PTPRT: variants seen among roughly 807,000 people sequenced by gnomAD.
PTPRT encodes the protein receptor-type tyrosine-protein phosphatase T.
A neutral mutation model predicts 176.8 loss-of-function variants in PTPRT; 56 were observed. The ratio of observed to expected loss-of-function variants is 0.32; its 90% CI spans 0.26 to 0.40. The LOEUF is 0.40. Among genes scored for constraint, PTPRT ranks in the 10% least tolerant of loss-of-function variants. The probability of loss-of-function intolerance (pLI) is 1.00; values close to 1 mark genes in which losing one functional copy is unlikely to be tolerated. For synonymous variants in PTPRT, 783 were observed against 739.0 expected (o/e 1.06, Z -0.96); for missense variants, 1,540 against 1,908.2 (o/e 0.81, Z 3.60).
At chr20:42,506,092 C>T (rs2071839422) in intron 7 of PTPRT, among the ~76,000 whole-genome samples, 1 of 152,246 alleles carries the variant, frequency 6.6e-6, no homozygotes, top group Middle Eastern at 3.4e-3. Context: ...GGGAAGAACA[C>T]ATTTGACTGT....
chr20:42,810,262 C>G (rs1019281202), intron 2 of PTPRT, among the ~76,000 whole-genome samples: 15 of 152,078 alleles, frequency 9.9e-5, no homozygotes, highest in Non-Finnish European at 1.5e-5. Context: ...CCACTGCACT[C>G]CACACTCCAG....
chr20:42,228,454 G>T (rs1035601212), intron 15 of PTPRT, among the ~76,000 whole-genome samples: 15 of 152,248 alleles, frequency 9.9e-5, no homozygotes, highest in Non-Finnish European at 1.8e-4. Context: ...CAGTACACAT[G>T]GTCTAGCCCA....
intron 6 of PTPRT, among the ~76,000 whole-genome samples, chr20:42,721,783 G>C (rs1179342394): frequency 6.6e-6 from 1 of 152,184 alleles, no homozygotes; most frequent in Non-Finnish European, 1.5e-5. Context: ...CGCACACACA[G>C]GTGCATCCCT....
At chr20:42,944,326 C>T (rs567069603) in intron 1 of PTPRT, among the ~76,000 whole-genome samples, 1 of 152,322 alleles carries the variant, frequency 6.6e-6, no homozygotes, top group African/African-American at 2.4e-5. Flanking sequence ...CAAGAACCTG[C>T]AAACTGCTCT....
intron 8 of PTPRT, among the ~76,000 whole-genome samples, chr20:42,456,447 T>C (rs1601059913): frequency 6.6e-6 from 1 of 152,220 alleles, no homozygotes; most frequent in East Asian, 1.9e-4. Context: ...ATTTCAAAGA[T>C]AATGATGATA....
intron 1 of PTPRT, among the ~76,000 whole-genome samples, chr20:43,083,337 T>C (rs7344978): frequency 1.9e-4 from 20 of 105,754 alleles, no homozygotes; most frequent in African/African-American, 7.3e-4. Flanking sequence ...TATATATATA[T>C]ATATATATAT....
rs141151801 is a variant in PTPRT, at chr20:43,156,575, A to T, written c.88+33071T>A. Among the ~76,000 whole-genome samples, 503 of 152,240 alleles carry T rather than the reference A, an allele frequency of 3.3e-3. 5 individuals are homozygous for T. Among genetic ancestry groups the T allele is most frequent in the African/African-American group, 0.011 (468 of 41,558 alleles). On this transcript the variant is annotated intron_variant, in intron 1 of 30. Coordinates refer to ENST00000373187, the MANE Select transcript of PTPRT (RefSeq NM_007050.6). ...GGCTGTGTTGGCCCATGGTTCCAAA[A>T]CCTGTCCTGAGACCCCACCCCACCA...
chr20:42,491,930 T>G (rs562547847), intron 7 of PTPRT, among the ~76,000 whole-genome samples: 1 of 152,280 alleles, frequency 6.6e-6, no homozygotes, highest in South Asian at 2.1e-4. Context: ...ATAAAAGAAA[T>G]AATATACTAT....
chr20:42,063,398 C>A, the PTPRT span: 1 of 152,142 alleles, frequency 6.6e-6, no homozygotes, highest in South Asian at 2.1e-4. Flanking sequence ...TCCCTTGAGG[C>A]CCTGCTGGGG....
At chr20:43,142,247 C>T (rs971905577) in intron 1 of PTPRT, among the ~76,000 whole-genome samples, 4 of 152,232 alleles carry the variant, frequency 2.6e-5, no homozygotes, top group Non-Finnish European at 5.9e-5. Context: ...ATAAAAATGA[C>T]AGATGTGAGC....
intron 27 of PTPRT, among the ~76,000 whole-genome samples, chr20:42,096,940 C>T (rs112041634): frequency 6.8e-4 from 103 of 152,164 alleles, no homozygotes; most frequent in African/African-American, 2.4e-3. Context: ...TCCAGTGTTT[C>T]ACCTTCCTGC....
chr20:42,533,757 G>T (rs190950885), intron 7 of PTPRT, among the ~76,000 whole-genome samples: 2 of 152,162 alleles, frequency 1.3e-5, no homozygotes, highest in East Asian at 1.9e-4. Context: ...TTCTATAAAC[G>T]CATTTGCTGT....
At chr20:42,486,596 T>C (rs1038917051) in intron 7 of PTPRT, among the ~76,000 whole-genome samples, 4 of 152,196 alleles carry the variant, frequency 2.6e-5, no homozygotes, top group African/African-American at 9.6e-5. Flanking sequence ...GTTGTCACCA[T>C]AGTGCTGTAT....
At position 42,234,239 on chromosome 20, in the gene PTPRT, C is replaced by A. The variant is rs566656329; in HGVS notation, c.2342+1990G>T. Among the ~76,000 whole-genome samples the A allele has an allele frequency of 3.9e-5, 6 of 152,304 alleles. No homozygotes were observed. In the South Asian group the frequency reaches 1.2e-3, roughly 32 times the overall value. On this transcript the variant is annotated intron_variant, in intron 15 of 30. Coordinates refer to ENST00000373187, the MANE Select transcript of PTPRT (RefSeq NM_007050.6). ...TGTCAACTTTGTGCCAGGCACTTTA[C>A]AAAATCATCTCATCTCCTCTTCACA... is the stretch of plus-strand genomic sequence containing the variant.
rs146501728 is a variant in PTPRT, at chr20:43,094,213, G to A, written c.88+95433C>T. On this transcript the variant is annotated intron_variant, in intron 1 of 30. Transcript: ENST00000373187. ...CGCCATTCTCCTGCCTCAGCCTCCCGAGTAGCTGGGGCTACAGGCCTGCAC... is the reference window on the plus strand; with the variant it reads ...CGCCATTCTCCTGCCTCAGCCTCCCAAGTAGCTGGGGCTACAGGCCTGCAC... Among the ~76,000 whole-genome samples, 240 of 149,632 alleles carry A rather than the reference G, an allele frequency of 1.6e-3. 1 individual carries two copies. Among genetic ancestry groups the A allele is most frequent in the African/African-American group, 5.7e-3 (230 of 40,664 alleles).
chr20:42,561,307 T>C (rs916949894), intron 7 of PTPRT, among the ~76,000 whole-genome samples: 5 of 152,170 alleles, frequency 3.3e-5, no homozygotes, highest in African/African-American at 9.7e-5. Flanking sequence ...AGTCCCTGCA[T>C]AGGGCTGAGG....
intron 1 of PTPRT, among the ~76,000 whole-genome samples, chr20:42,908,267 A>G (rs1046245632): frequency 1.3e-5 from 2 of 152,176 alleles, no homozygotes; most frequent in Non-Finnish European, 2.9e-5. Flanking sequence ...GAAGATAATA[A>G]TAATAGCCAC....
At position 42,756,525 on chromosome 20, in the gene PTPRT, G is replaced by A. The variant is rs753257334; in HGVS notation, c.796C>T (p.Arg266Cys). ...DTAQRSVSKY[R>C]CVIRSDGGSG... ...CCACCATCAGAGCGGATCACACAGC[G>A]GTACTTGCTGACGCTCCGCTGGGCA... The change falls in exon 6 of 31, where the codon CGC becomes TGC. Residue 266 changes from arginine (R) to cysteine (C), a missense_variant. This residue lies in a region of PTPRT where 273 missense variants were observed against 432.1 expected (regional missense o/e 0.63). Coordinates refer to ENST00000373187, the MANE Select transcript of PTPRT (RefSeq NM_007050.6). The A allele has an allele frequency of 1.2e-6, 2 of 1,612,522 alleles. No individual in the cohort carries two copies. The highest frequency in any genetic ancestry group is 1.7e-6 in the Non-Finnish European group (2 of 1,178,908).
intron 9 of PTPRT, among the ~76,000 whole-genome samples, chr20:42,394,308 A>T (rs2058828411): frequency 6.6e-6 from 1 of 152,172 alleles, no homozygotes; most frequent in Admixed American, 6.5e-5. Flanking sequence ...GTCAATCATG[A>T]TAACTATTTT....
Sources: allele counts gnomAD v4.1 joint callset (sites outside exome capture counted in the v4.1 genomes callset), GRCh38; gene constraint gnomAD v4.1.1; regional missense constraint gnomAD v4.1.1; transcripts MANE v1.5; gene names NCBI Gene and HGNC (gene_info 2026-07-23, HGNC 2026-07-21).